SORCS1: variants seen among roughly 807,000 people sequenced by gnomAD.
The protein encoded by SORCS1 is VPS10 domain-containing receptor SorCS1.
Under a neutral mutation model 146.1 loss-of-function variants are expected in SORCS1, and 60 were observed. That is an observed-to-expected ratio of 0.41 (90% CI 0.33 to 0.51). The LOEUF is 0.51. SORCS1 is among the 20% of genes least tolerant of loss of function. The pLI, the probability that SORCS1 is intolerant of heterozygous loss-of-function variation, is 0.21. For synonymous variants in SORCS1, 637 were observed against 584.0 expected (o/e 1.09, Z -1.31); for missense variants, 1,352 against 1,487.6 (o/e 0.91, Z 1.50).
chr10:106,913,906 C>T (rs1324518943), intron 2 of SORCS1, among the ~76,000 whole-genome samples: 1 of 152,112 alleles, frequency 6.6e-6, no homozygotes, highest in Non-Finnish European at 1.5e-5. Flanking sequence ...GAGCCACCTG[C>T]CACTCACAGA....
chr10:106,704,753 T>A (rs1410033577), intron 8 of SORCS1, among the ~76,000 whole-genome samples: 1 of 152,126 alleles, frequency 6.6e-6, no homozygotes, highest in Non-Finnish European at 1.5e-5. Flanking sequence ...AGAGTGCGCA[T>A]AAGATGAGGA....
intron 10 of SORCS1, among the ~76,000 whole-genome samples, chr10:106,680,836 A>G (rs2135562886): frequency 6.6e-6 from 1 of 152,306 alleles, no homozygotes; most frequent in East Asian, 1.9e-4. Context: ...CAGCCAGCAG[A>G]CATTCAGACA....
At chr10:106,830,384 T>C (rs1463533021) in intron 2 of SORCS1, among the ~76,000 whole-genome samples, 1 of 152,210 alleles carries the variant, frequency 6.6e-6, no homozygotes, top group Non-Finnish European at 1.5e-5. Context: ...AGAATTTTAA[T>C]CTTATTATAT....
At chr10:107,127,042 G>A (rs1454954283) in intron 1 of SORCS1, among the ~76,000 whole-genome samples, 3 of 152,112 alleles carry the variant, frequency 2.0e-5, no homozygotes, top group African/African-American at 7.2e-5. Flanking sequence ...ATCTTTGATG[G>A]CTTTGGAAGT....
rs376396668 is a variant in SORCS1 at position 107,140,372 on chromosome 10, G to A, written c.558+23597C>T. 1.1e-4 allele frequency among the ~76,000 whole-genome samples: 16 copies of A among 152,286 alleles called. 1 individual carries two copies. Among genetic ancestry groups the A allele is most frequent in the Admixed American group, 9.8e-4 (15 of 15,300 alleles). On this transcript the variant is annotated intron_variant, in intron 1 of 25. Coordinates refer to ENST00000263054, the MANE Select transcript of SORCS1 (RefSeq NM_052918.5). ...AACTTCTAATTTCATGACATGTGCA[G>A]TTTTATTGTCAGCAATAATTCCACA...
chr10:106,730,667 C>T (rs546063341), intron 5 of SORCS1, among the ~76,000 whole-genome samples: 10 of 152,218 alleles, frequency 6.6e-5, no homozygotes, highest in South Asian at 2.1e-4. Context: ...CTTTCTGATA[C>T]GTGCCTGAAA....
At chr10:107,162,890 T>C (rs560232022) in intron 1 of SORCS1, among the ~76,000 whole-genome samples, 53 of 152,194 alleles carry the variant, frequency 3.5e-4, no homozygotes, top group African/African-American at 1.2e-3. Flanking sequence ...AAACTTGAAA[T>C]TTTTTTCCCC....
chr10:106,588,381 T>A (rs1034967234), intron 24 of SORCS1, among the ~76,000 whole-genome samples: 2 of 152,242 alleles, frequency 1.3e-5, no homozygotes, highest in African/African-American at 4.8e-5. Flanking sequence ...GCTCTCCTTA[T>A]TTAATTCATG....
intron 1 of SORCS1, among the ~76,000 whole-genome samples, chr10:107,035,132 G>A (rs527734798): frequency 6.6e-6 from 1 of 151,622 alleles, no homozygotes; most frequent in East Asian, 1.9e-4. Context: ...GAAATTTCTA[G>A]ATTAGATGGA....
At chr10:106,683,970 A>C (rs977250408) in intron 10 of SORCS1, among the ~76,000 whole-genome samples, 10 of 152,096 alleles carry the variant, frequency 6.6e-5, no homozygotes, top group Non-Finnish European at 1.2e-4. Context: ...AAGGTGAAAA[A>C]CAGATTCTCC....
At chr10:107,094,911 C>T (rs989673603) in intron 1 of SORCS1, among the ~76,000 whole-genome samples, 1 of 152,174 alleles carries the variant, frequency 6.6e-6, no homozygotes, top group African/African-American at 2.4e-5. Flanking sequence ...GCGTCATAGA[C>T]AGGTTTGATG....
chr10:106,727,369 A>C (rs1406605866), intron 6 of SORCS1, among the ~76,000 whole-genome samples: 1 of 152,158 alleles, frequency 6.6e-6, no homozygotes, highest in African/African-American at 2.4e-5. Flanking sequence ...TTGACATGGG[A>C]TCTCACTATA....
At chr10:107,080,282 T>C (rs991425710) in intron 1 of SORCS1, among the ~76,000 whole-genome samples, 1 of 152,198 alleles carries the variant, frequency 6.6e-6, no homozygotes, top group Non-Finnish European at 1.5e-5. Flanking sequence ...GCAAGCGTTT[T>C]CTGTTATGTT....
intron 5 of SORCS1, among the ~76,000 whole-genome samples, chr10:106,747,782 A>T (rs1857851119): frequency 6.6e-6 from 1 of 152,228 alleles, no homozygotes; most frequent in African/African-American, 2.4e-5. Flanking sequence ...ATATTTTCCA[A>T]TAGCAAGAGG....
intron 23 of SORCS1, among the ~76,000 whole-genome samples, chr10:106,599,858 G>C (rs964285900): frequency 6.6e-6 from 1 of 151,272 alleles, no homozygotes; most frequent in Non-Finnish European, 1.5e-5. Context: ...TGCAACCTCC[G>C]CCTCCCTGAT....
chr10:107,055,953 T>C (rs1003951266), intron 1 of SORCS1, among the ~76,000 whole-genome samples: 12 of 152,308 alleles, frequency 7.9e-5, no homozygotes, highest in Admixed American at 1.3e-4. Context: ...CTTTGAGAGA[T>C]TGCCCTTCTT....
At position 107,087,447 on chromosome 10, in the gene SORCS1, A is replaced by G. The variant is rs1018918540; in HGVS notation, c.558+76522T>C. Among the ~76,000 whole-genome samples the G allele has an allele frequency of 2.6e-5, 4 of 152,338 alleles. No individual in the cohort carries two copies. In the South Asian group the frequency reaches 8.3e-4, roughly 32 times the overall value. On this transcript the variant is annotated intron_variant, in intron 1 of 25. Coordinates refer to ENST00000263054, the MANE Select transcript of SORCS1 (RefSeq NM_052918.5). ...ATAATGGAAAGTTCCTGATACATCT[A>G]CGTTGATTGGTTCTATTACTTCCCA... is the stretch of plus-strand genomic sequence containing the variant.
In SORCS1 at chr10:106,574,945, G is replaced by C. The variant is rs1844514552; in HGVS notation, c.*2475C>G. The C allele has an allele frequency of 6.6e-6, 1 of 152,522 alleles. No individual in the cohort carries two copies. Among genetic ancestry groups the C allele is most frequent in the South Asian group, 2.1e-4 (1 of 4,822 alleles). The allele number at this position is 152,522 out of a possible 1,614,324, so 9.4% of individuals were successfully genotyped here. Reference sequence around the variant, plus strand: ...GGATTTACAGCCCATTCTTCCCTATGTCTTTCCATTCATTTATTTCTTCAA... The same window carrying C: ...GGATTTACAGCCCATTCTTCCCTATCTCTTTCCATTCATTTATTTCTTCAA... On this transcript the variant is annotated 3_prime_UTR_variant, in exon 26 of 26. Coordinates refer to ENST00000263054, the MANE Select transcript of SORCS1 (RefSeq NM_052918.5).
At chr10:106,664,238 T>A (rs1850957216) in intron 17 of SORCS1, among the ~76,000 whole-genome samples, 1 of 152,238 alleles carries the variant, frequency 6.6e-6, no homozygotes, top group Non-Finnish European at 1.5e-5. Context: ...CTAAGTCACA[T>A]TTTAATTGAC....
Sources: allele counts gnomAD v4.1 joint callset (sites outside exome capture counted in the v4.1 genomes callset), GRCh38; gene constraint gnomAD v4.1.1; transcripts MANE v1.5; gene names NCBI Gene and HGNC (gene_info 2026-07-23, HGNC 2026-07-21).